EBPL: variants seen among roughly 807,000 people sequenced by gnomAD.
EBPL encodes emopamil-binding protein-like.
A neutral mutation model predicts 19.0 loss-of-function variants in EBPL; 20 were observed. The observed-to-expected ratio is 1.05, with a 90% CI of 0.74 to 1.53. The LOEUF (loss-of-function observed/expected upper bound fraction) is 1.53, where lower values mean the gene tolerates loss of function less well. EBPL is among the 40% of genes most tolerant of loss of function. EBPL has a pLI of 0.00. For missense variants in EBPL, 219 were observed against 261.1 expected (o/e 0.84, Z 1.11); for synonymous variants, 107 against 117.0 (o/e 0.91, Z 0.55).
At chr13:49,678,519 G>C (rs183603384) in intron 1 of EBPL, among the ~76,000 whole-genome samples, 1 of 152,220 alleles carries the variant, frequency 6.6e-6, no homozygotes, top group Non-Finnish European at 1.5e-5. Context: ...CAGTGATGGG[G>C]AACCCAGCTC....
intron 1 of EBPL, among the ~76,000 whole-genome samples, chr13:49,676,749 A>G (rs1424390643): frequency 6.6e-6 from 1 of 152,112 alleles, no homozygotes; most frequent in African/African-American, 2.4e-5. Context: ...CCTACTATTA[A>G]AGCTCCTTAA....
chr13:49,662,285 C>T (rs555963578), intron 3 of EBPL, among the ~76,000 whole-genome samples: 5 of 152,134 alleles, frequency 3.3e-5, no homozygotes, highest in Admixed American at 2.6e-4. Context: ...CATGAGCCAC[C>T]GCACCTGGTC....
At chr13:49,678,029 C>T (rs1267524809) in intron 1 of EBPL, among the ~76,000 whole-genome samples, 7 of 152,016 alleles carry the variant, frequency 4.6e-5, no homozygotes, top group Admixed American at 4.6e-4. Flanking sequence ...GGAAGGGGAC[C>T]CAAGCCGGTT....
chr13:49,682,908 GGAT>G (rs1254231926), intron 1 of EBPL, among the ~76,000 whole-genome samples: 6 of 152,102 alleles, frequency 3.9e-5, no homozygotes, highest in African/African-American at 1.4e-4. Context: ...CAGGCTCCTT[GGAT>G]GATGGTCAGA....
At chr13:49,690,880 T>C (rs572922816) in intron 1 of EBPL, among the ~76,000 whole-genome samples, 1 of 152,336 alleles carries the variant, frequency 6.6e-6, no homozygotes, top group South Asian at 2.1e-4. Flanking sequence ...CAAGCATCTC[T>C]CCTTGCCCCC....
intron 1 of EBPL, among the ~76,000 whole-genome samples, chr13:49,683,479 C>T (rs977574837): frequency 5.9e-5 from 9 of 151,816 alleles, no homozygotes; most frequent in Non-Finnish European, 7.4e-5. Context: ...TGCAGTGAGC[C>T]GATCGCACCA....
chr13:49,661,230 G>A (rs774763562), intron 3 of EBPL, 22 bp from the exon 4 acceptor site: 27 of 1,588,584 alleles, frequency 1.7e-5, no homozygotes, highest in African/African-American at 1.2e-4. Flanking sequence ...AAAGAAGCCC[G>A]GGATGAACCA....
chr13:49,668,881 AT>A (rs371547557), intron 2 of EBPL, among the ~76,000 whole-genome samples: 280 of 142,106 alleles, frequency 2.0e-3, no homozygotes, highest in Middle Eastern at 3.6e-3. Flanking sequence ...CACTACCAAC[AT>A]TTTTTTTTTT....
At chr13:49,676,916 T>C (rs1290035833) in intron 1 of EBPL, among the ~76,000 whole-genome samples, 1 of 152,220 alleles carries the variant, frequency 6.6e-6, no homozygotes, top group Non-Finnish European at 1.5e-5. Flanking sequence ...TCCTAATTTT[T>C]TTTTAGTGAT....
In EBPL at chr13:49,691,430, A is replaced by C. The variant is rs764215178; in HGVS notation, c.-6T>G. On this transcript the variant is annotated 5_prime_UTR_variant, in exon 1 of 4. Coordinates refer to ENST00000242827, the MANE Select transcript of EBPL (RefSeq NM_032565.5). The stretch of plus-strand genomic sequence containing the variant: ...AGCTCCCACTCAGCGCCCATGCTTC[A>C]GGCTTCCGACGCCAACGGCCCAGGA... The C allele has an allele frequency of 4.5e-6, 6 of 1,334,188 alleles. No homozygotes were observed. Among genetic ancestry groups the C allele is most frequent in the Non-Finnish European group, 5.7e-6 (6 of 1,044,000 alleles). The allele number at this position is 1,334,188 out of a possible 1,614,324, so 82.6% of individuals were successfully genotyped here. A position where few individuals can be genotyped will look rare whatever the true frequency, so the allele number is the denominator to read the frequency against.
chr13:49,676,951 G>C (rs1282488198), intron 1 of EBPL, among the ~76,000 whole-genome samples: 1 of 152,088 alleles, frequency 6.6e-6, no homozygotes, highest in Non-Finnish European at 1.5e-5. Flanking sequence ...GGGTCCAGAG[G>C]TGTGACTTGC....
chr13:49,684,101 G>A (rs1953971930), intron 1 of EBPL, among the ~76,000 whole-genome samples: 1 of 152,168 alleles, frequency 6.6e-6, no homozygotes, highest in Non-Finnish European at 1.5e-5. Flanking sequence ...TGTTGGGGCT[G>A]GTGATGGGCA....
At chr13:49,687,521 A>C (rs1954011441) in intron 1 of EBPL, among the ~76,000 whole-genome samples, 1 of 152,122 alleles carries the variant, frequency 6.6e-6, no homozygotes, top group Non-Finnish European at 1.5e-5. Flanking sequence ...GAATGTTTCT[A>C]TAATGAGCCT....
At chr13:49,673,146 T>C (rs1020753903) in intron 1 of EBPL, among the ~76,000 whole-genome samples, 2 of 151,912 alleles carry the variant, frequency 1.3e-5, no homozygotes, top group African/African-American at 4.8e-5. Context: ...CATCGAATAC[T>C]GGTGAGGATG....
intron 3 of EBPL, 33 bp downstream of exon 3, chr13:49,663,024 C>T: frequency 6.2e-7 from 1 of 1,611,790 alleles, no homozygotes; most frequent in Non-Finnish European, 8.5e-7. Flanking sequence ...AATGTCTCCC[C>T]TCCTTCCAGC....
intron 1 of EBPL, chr13:49,686,438 C>G: frequency 7.8e-7 from 1 of 1,277,052 alleles, no homozygotes; most frequent in Non-Finnish European, 1.0e-6. Flanking sequence ...ATCAATCCCA[C>G]TCTCACCATT....
intron 2 of EBPL, among the ~76,000 whole-genome samples, chr13:49,667,981 A>C (rs957162583): frequency 2.0e-5 from 3 of 152,200 alleles, no homozygotes; most frequent in Admixed American, 2.0e-4. Context: ...GGGAGGAGCC[A>C]TGACTCAGGC....
chr13:49,679,594 T>C (rs1022538302), intron 1 of EBPL, among the ~76,000 whole-genome samples: 131 of 152,202 alleles, frequency 8.6e-4, no homozygotes, highest in African/African-American at 2.7e-3. Context: ...CTCAGACTCC[T>C]GGGTTCAAGC....
intron 1 of EBPL, among the ~76,000 whole-genome samples, chr13:49,678,530 A>G (rs1481642163): frequency 4.6e-5 from 7 of 152,032 alleles, no homozygotes; most frequent in African/African-American, 1.7e-4. Context: ...AACCCAGCTC[A>G]CCCTCCACAG....
Sources: gnomAD v4.1 joint callset for allele counts (sites outside exome capture counted in the v4.1 genomes callset) on GRCh38, gnomAD v4.1.1 for gene constraint, MANE v1.5 for transcripts, NCBI Gene and HGNC (gene_info 2026-07-23, HGNC 2026-07-21) for gene names.